The following STARD13 variants were observed in gnomAD, a reference collection of about 807,000 sequenced individuals.
The protein encoded by STARD13 is stAR-related lipid transfer protein 13.
In STARD13, 62 loss-of-function variants were observed where a neutral mutation model predicts 106.4. That is an observed-to-expected ratio of 0.58 (90% CI 0.48 to 0.72). STARD13 has a LOEUF of 0.72. STARD13 is among the 30% of genes least tolerant of loss of function. STARD13 has a pLI of 0.00. For missense variants in STARD13, 1,387 were observed against 1,424.0 expected, an observed-to-expected ratio of 0.97 and a Z score of 0.42; for synonymous variants, 565 against 553.0, an observed-to-expected ratio of 1.02 and a Z score of -0.31.
the STARD13 span, among the ~76,000 whole-genome samples, chr13:33,377,201 G>A: frequency 6.6e-6 from 1 of 152,140 alleles, no homozygotes; most frequent in Non-Finnish European, 1.5e-5. Context: ...CATCAATAAT[G>A]AGTACATATT....
intron 4 of STARD13, among the ~76,000 whole-genome samples, chr13:33,137,869 T>G (rs1170414583): frequency 1.4e-5 from 2 of 143,346 alleles, no homozygotes. Flanking sequence ...TCTTTGGAGT[T>G]GCCAGGAGGT....
the STARD13 span, among the ~76,000 whole-genome samples, chr13:33,577,715 A>C: frequency 1.3e-5 from 2 of 152,132 alleles, no homozygotes; most frequent in Non-Finnish European, 2.9e-5. Flanking sequence ...AAATTAATCT[A>C]AAAAGGATTA....
At chr13:33,307,172 T>G (rs1402022856) in intron 1 of STARD13, among the ~76,000 whole-genome samples, 2 of 152,060 alleles carry the variant, frequency 1.3e-5, no homozygotes, top group African/African-American at 4.8e-5. Flanking sequence ...GTTGGTGAGG[T>G]TGCAGAAAAA....
At chr13:33,121,877 C>T (rs1441635493) in intron 7 of STARD13, among the ~76,000 whole-genome samples, 1 of 151,108 alleles carries the variant, frequency 6.6e-6, no homozygotes, top group Non-Finnish European at 1.5e-5. Flanking sequence ...TAAAGTCTCG[C>T]TCTTATCCCC....
At chr13:33,143,999 C>A (rs146349603) in intron 3 of STARD13, among the ~76,000 whole-genome samples, 16 of 152,316 alleles carry the variant, frequency 1.1e-4, no homozygotes, top group Non-Finnish European at 2.1e-4. Flanking sequence ...TGAATTATCT[C>A]ATCTCTCTGG....
chr13:33,581,546 A>G, the STARD13 span, among the ~76,000 whole-genome samples: 2 of 152,178 alleles, frequency 1.3e-5, no homozygotes, highest in South Asian at 2.1e-4. Context: ...TGGTGTTTCA[A>G]TTTGTGTACT....
chr13:33,541,703 G>A, the STARD13 span, among the ~76,000 whole-genome samples: 2 of 152,148 alleles, frequency 1.3e-5, no homozygotes, highest in Non-Finnish European at 2.9e-5. Flanking sequence ...ACTGCAAAGA[G>A]CTTTGAAATC....
chr13:33,292,035 C>A (rs78116573), intron 1 of STARD13, among the ~76,000 whole-genome samples: 5 of 152,062 alleles, frequency 3.3e-5, no homozygotes, highest in Non-Finnish European at 5.9e-5. Context: ...ACAACCCCTA[C>A]CCCAATATTA....
the STARD13 span, among the ~76,000 whole-genome samples, chr13:33,642,915 T>G: frequency 6.6e-6 from 1 of 151,142 alleles, no homozygotes; most frequent in Non-Finnish European, 1.5e-5. Context: ...AGGTTTGGAC[T>G]GAGGCAAGAG....
chr13:33,468,953 A>C, the STARD13 span, among the ~76,000 whole-genome samples: 1 of 152,150 alleles, frequency 6.6e-6, no homozygotes, highest in Non-Finnish European at 1.5e-5. Flanking sequence ...CACCATTAGA[A>C]AAAAGGAACT....
At chr13:33,563,884 C>T in the STARD13 span, among the ~76,000 whole-genome samples, 4 of 147,248 alleles carry the variant, frequency 2.7e-5, 1 homozygote, top group Admixed American at 6.9e-5. Context: ...AGCACACACA[C>T]GAAAAATCTG....
chr13:33,123,289 C>A (rs1041274395), intron 7 of STARD13, among the ~76,000 whole-genome samples: 2 of 152,100 alleles, frequency 1.3e-5, no homozygotes, highest in East Asian at 3.9e-4. Flanking sequence ...AATTCACATT[C>A]CATCTGAATA....
the STARD13 span, among the ~76,000 whole-genome samples, chr13:33,520,885 C>T: frequency 3.3e-5 from 5 of 152,242 alleles, no homozygotes; most frequent in East Asian, 9.7e-4. Flanking sequence ...ACAGGCTCAT[C>T]TGTCAAATCT....
the STARD13 span, among the ~76,000 whole-genome samples, chr13:33,637,050 A>T: frequency 6.2e-3 from 939 of 152,302 alleles, 11 homozygotes; most frequent in African/African-American, 0.021. Flanking sequence ...AATGAATAGT[A>T]CCCTTACTCA....
intron 1 of STARD13, among the ~76,000 whole-genome samples, chr13:33,189,429 CCTTT>C (rs758469824): frequency 0.43 from 24,028 of 55,554 alleles, 3,247 homozygotes; most frequent in Admixed American, 0.54. Flanking sequence ...CCTCCTTCCT[CCTTT>C]CGGAGGAAGG....
chr13:33,246,378 A>T (rs1226918045), intron 1 of STARD13, among the ~76,000 whole-genome samples: 1 of 152,166 alleles, frequency 6.6e-6, no homozygotes, highest in East Asian at 1.9e-4. Flanking sequence ...GCACACACAC[A>T]TCTCTAGTCC....
intron 3 of STARD13, chr13:33,158,634 AC>A (rs935486037): frequency 6.6e-5 from 10 of 152,264 alleles, no homozygotes; most frequent in Non-Finnish European, 1.3e-4. Context: ...AAGGAAGAAA[AC>A]AAAGAAAATC....
At chr13:33,177,027 T>G (rs1884588409) in intron 1 of STARD13, among the ~76,000 whole-genome samples, 1 of 152,116 alleles carries the variant, frequency 6.6e-6, no homozygotes, top group Non-Finnish European at 1.5e-5. Context: ...AAAAACAAAG[T>G]AGGAAACAGC....
At chr13:33,426,324 C>T in the STARD13 span, among the ~76,000 whole-genome samples, 644 of 152,240 alleles carry the variant, frequency 4.2e-3, 3 homozygotes, top group Non-Finnish European at 6.8e-3. Context: ...ATCAGACTTC[C>T]TCATTTTCTC....
Sources: allele counts gnomAD v4.1 joint callset (sites outside exome capture counted in the v4.1 genomes callset), GRCh38; gene constraint gnomAD v4.1.1; transcripts MANE v1.5; gene names NCBI Gene and HGNC (gene_info 2026-07-23, HGNC 2026-07-21).